The following EIF3L variants were observed in gnomAD, a reference collection of about 807,000 sequenced individuals.
EIF3L encodes eIEF associated protein HSPC021.
In EIF3L, 32 loss-of-function variants were observed where a neutral mutation model predicts 74.6. That is an observed-to-expected ratio of 0.43 (90% CI 0.32 to 0.58). EIF3L has a LOEUF of 0.58. Among genes scored for constraint, EIF3L ranks in the 20% least tolerant of loss-of-function variants. The pLI, the probability that EIF3L is intolerant of heterozygous loss-of-function variation, is 0.06. For synonymous variants in EIF3L, 256 were observed against 254.4 expected, an observed-to-expected ratio of 1.01 and a Z score of -0.06; for missense variants, 474 against 707.8, an observed-to-expected ratio of 0.67 and a Z score of 3.75.
intron 8 of EIF3L, among the ~76,000 whole-genome samples, chr22:37,870,734 A>G (rs754142130): frequency 5.3e-5 from 8 of 151,916 alleles, no homozygotes; most frequent in South Asian, 4.2e-4. Context: ...GAAGAGTGGC[A>G]TTTTTGCAGA....
intron 11 of EIF3L, chr22:37,885,264 C>A (rs993812150): frequency 6.6e-6 from 1 of 152,008 alleles, no homozygotes; most frequent in Admixed American, 6.6e-5. Context: ...CGTTCTTTGG[C>A]AATTATAGTA....
At chr22:37,868,659 T>TTTTTTTTTG (rs1926307359) in intron 7 of EIF3L, among the ~76,000 whole-genome samples, 1 of 114,428 alleles carries the variant, frequency 8.7e-6, no homozygotes, top group Non-Finnish European at 1.7e-5. Flanking sequence ...TTTTTTTTTT[T>TTTTTTTTTG]GAGACGGAGT....
At chr22:37,872,852 A>G (rs1926546721) in intron 8 of EIF3L, among the ~76,000 whole-genome samples, 1 of 151,472 alleles carries the variant, frequency 6.6e-6, no homozygotes. Flanking sequence ...TCTTGAACTC[A>G]TGGGATTTCA....
chr22:37,863,438 A>C, intron 7 of EIF3L, 93 bp downstream of exon 7: 1 of 1,044,496 alleles, frequency 9.6e-7, no homozygotes, highest in Non-Finnish European at 1.4e-6. Flanking sequence ...CAGGGTGTAA[A>C]AATATCCCCA....
chr22:37,850,035 T>C lies in EIF3L; in HGVS notation c.54T>C (p.Ala18=). ...TCTAGGCGGCTTATGACCCCTACGC[T>C]TATCCCAGCGACTATGATATGCACA... ...YESEAAYDPY[A]YPSDYDMHTG... The change falls in exon 2 of 13, where the codon GCT becomes GCC. Residue 18 remains alanine, a synonymous_variant. Coordinates refer to ENST00000652021, the MANE Select transcript of EIF3L (RefSeq NM_016091.4). 6.2e-7 allele frequency: 1 copy of C among 1,613,738 alleles called. No homozygotes were observed. The highest frequency in any genetic ancestry group is 8.5e-7 in the Non-Finnish European group (1 of 1,179,810).
Position 37,856,070 on chromosome 22 carries a change from T to A in EIF3L, c.373+426T>A, listed in dbSNP as rs190395263. Among the ~76,000 whole-genome samples, 118 of 151,972 alleles carry A rather than the reference T, an allele frequency of 7.8e-4. 3 individuals carry two copies. The highest frequency in any genetic ancestry group is 6.9e-3 in the Admixed American group (105 of 15,264). On this transcript the variant is annotated intron_variant, in intron 4 of 12. Coordinates refer to ENST00000652021, the MANE Select transcript of EIF3L (RefSeq NM_016091.4). ...TTTATTTTATTTTATTATTATTATT[T>A]TTTTTGAGATGGAGTCTCGTTCTGT...
chr22:37,851,782 C>T (rs757180167), intron 3 of EIF3L, among the ~76,000 whole-genome samples: 2 of 152,224 alleles, frequency 1.3e-5, no homozygotes, highest in African/African-American at 2.4e-5. Context: ...TCTCCAGCCT[C>T]AGCTTCCCGA....
chr22:37,888,551 C>T lies in EIF3L; in HGVS notation c.*87C>T. 1 of 1,374,544 alleles carries T rather than the reference C, an allele frequency of 7.3e-7. No homozygotes were observed. Among genetic ancestry groups the T allele is most frequent in the South Asian group, 1.2e-5 (1 of 83,560 alleles). The allele number at this position is 1,374,544 out of a possible 1,614,324, so 85.1% of individuals were successfully genotyped here. A position where few individuals can be genotyped will look rare whatever the true frequency, so the allele number is the denominator to read the frequency against. On this transcript the variant is annotated 3_prime_UTR_variant, in exon 13 of 13. Coordinates refer to ENST00000652021, the MANE Select transcript of EIF3L (RefSeq NM_016091.4). Reference sequence around the variant, plus strand: ...ACCGTGAAACCTTTACCTAGATCAGCCATCAGCCTGTCAACTCAGTTAACA... The same window carrying T: ...ACCGTGAAACCTTTACCTAGATCAGTCATCAGCCTGTCAACTCAGTTAACA...
chr22:37,871,868 C>G (rs537811595), intron 8 of EIF3L, among the ~76,000 whole-genome samples: 1 of 89,226 alleles, frequency 1.1e-5, no homozygotes, highest in African/African-American at 4.6e-5. Flanking sequence ...GACTCTGTCT[C>G]GGGGAAAAAA....
At chr22:37,867,656 CAAAAAA>C (rs59463385) in intron 7 of EIF3L, among the ~76,000 whole-genome samples, 1 of 103,238 alleles carries the variant, frequency 9.7e-6, no homozygotes, top group African/African-American at 3.9e-5. Context: ...GATTCCGTCT[CAAAAAA>C]AAAAAAAAAA....
At position 37,858,700 on chromosome 22, in the gene EIF3L, A is replaced by G; in HGVS notation, c.395A>G (p.Tyr132Cys). 1 of 1,611,122 alleles carries G rather than the reference A, an allele frequency of 6.2e-7. No individual in the cohort carries two copies. The highest frequency in any genetic ancestry group is 1.1e-5 in the South Asian group (1 of 89,870). ...VGNDAVFLIL[Y>C]KELYYRHIYA... ...TCAGATGCTGTCTTCCTGATTTTAT[A>G]CAAAGAATTATACTACAGGCACATA... Residue 132 changes from tyrosine (Y) to cysteine (C), a missense_variant, in exon 5 of 13, where the codon TAC becomes TGC. Tyr to Cys is a radical substitution (Grantham distance 194). Transcript: ENST00000652021.
At chr22:37,853,287 C>G (rs1260982191) in intron 3 of EIF3L, among the ~76,000 whole-genome samples, 1 of 152,070 alleles carries the variant, frequency 6.6e-6, no homozygotes, top group East Asian at 1.9e-4. Flanking sequence ...GGGCACAAGG[C>G]AGAAGAAGAG....
chr22:37,856,243 A>C, intron 4 of EIF3L, among the ~76,000 whole-genome samples: 1 of 151,614 alleles, frequency 6.6e-6, no homozygotes, highest in Non-Finnish European at 1.5e-5. Context: ...CGCCCAGCTA[A>C]TTTTTGTATT....
At chr22:37,876,190 C>CT in intron 10 of EIF3L, 179 bp downstream of exon 10, 1 of 619,062 alleles carries the variant, frequency 1.6e-6, no homozygotes, top group Non-Finnish European at 2.7e-6. Context: ...AGTGCAGTGA[C>CT]GCAGTCACAG....
intron 8 of EIF3L, among the ~76,000 whole-genome samples, chr22:37,873,023 C>CTG (rs1926556332): frequency 6.6e-6 from 1 of 151,968 alleles, no homozygotes. Context: ...GAGTCTTGCT[C>CTG]TGTAGCCCAG....
intron 1 of EIF3L, 69 bp downstream of exon 1, chr22:37,849,551 C>T: frequency 1.3e-6 from 2 of 1,505,502 alleles, no homozygotes; most frequent in Non-Finnish European, 1.8e-6. Flanking sequence ...GATGTGGGTC[C>T]CGGCGCGAGG....
intron 9 of EIF3L, 107 bp downstream of exon 9, chr22:37,874,631 T>TC: frequency 7.7e-7 from 1 of 1,303,772 alleles, no homozygotes; most frequent in East Asian, 2.7e-5. Context: ...AGAGGACTGT[T>TC]CCCTCAGGCC....
chr22:37,870,702 A>AT (rs997628231), intron 8 of EIF3L, among the ~76,000 whole-genome samples: 43 of 151,506 alleles, frequency 2.8e-4, no homozygotes, highest in African/African-American at 1.0e-3. Context: ...ATTTTAAAAA[A>AT]TTTTTTTCTT....
At chr22:37,874,595 C>A in intron 9 of EIF3L, 71 bp downstream of exon 9, 1 of 1,501,930 alleles carries the variant, frequency 6.7e-7, no homozygotes, top group South Asian at 1.3e-5. Flanking sequence ...ACTCTGATCT[C>A]TTAGGACAAA....
Sources: gnomAD v4.1 joint callset for allele counts (sites outside exome capture counted in the v4.1 genomes callset) on GRCh38, gnomAD v4.1.1 for gene constraint, MANE v1.5 for transcripts, NCBI Gene and HGNC (gene_info 2026-07-23, HGNC 2026-07-21) for gene names.